ODAD2: variants seen among roughly 807,000 people sequenced by gnomAD.
ODAD2 encodes outer dynein arm docking complex subunit 2, also known as outer dynein arm-docking complex subunit 2.
Under a neutral mutation model 106.8 loss-of-function variants are expected in ODAD2, and 89 were observed. The ratio of observed to expected loss-of-function variants is 0.83; its 90% CI spans 0.70 to 0.99. ODAD2 has a LOEUF of 0.99. Ranked by LOEUF, ODAD2 falls within the 50% of genes least tolerant of loss-of-function variation. The probability of loss-of-function intolerance (pLI) is 0.00; values close to 1 mark genes in which losing one functional copy is unlikely to be tolerated. For missense variants in ODAD2, 1,168 were observed against 1,238.5 expected, an observed-to-expected ratio of 0.94 and a Z score of 0.85; for synonymous variants, 404 against 436.2, an observed-to-expected ratio of 0.93 and a Z score of 0.92.
At chr10:27,824,894 T>C (rs1404074050) in intron 19 of ODAD2, among the ~76,000 whole-genome samples, 1 of 152,194 alleles carries the variant, frequency 6.6e-6, no homozygotes, top group Non-Finnish European at 1.5e-5. Context: ...AAGCTGGATT[T>C]TACTGAGATT....
intron 10 of ODAD2, among the ~76,000 whole-genome samples, chr10:27,945,410 C>A (rs192907288): frequency 6.6e-6 from 1 of 152,188 alleles, no homozygotes; most frequent in Non-Finnish European, 1.5e-5. Flanking sequence ...GGAAGCAGCA[C>A]CGCAATCCAT....
chr10:27,926,401 GA>G (rs770297812), intron 16 of ODAD2, among the ~76,000 whole-genome samples: 26 of 139,172 alleles, frequency 1.9e-4, no homozygotes, highest in Admixed American at 2.9e-4. Flanking sequence ...GGCAGAGGCG[GA>G]AAAAAAAAAA....
At chr10:27,940,356 G>A (rs1368431507) in intron 13 of ODAD2, among the ~76,000 whole-genome samples, 1 of 151,916 alleles carries the variant, frequency 6.6e-6, no homozygotes, top group African/African-American at 2.4e-5. Context: ...GTATATATGT[G>A]TGAGATATAT....
chr10:27,834,802 G>A (rs937740293), intron 19 of ODAD2, among the ~76,000 whole-genome samples: 5 of 152,168 alleles, frequency 3.3e-5, no homozygotes, highest in Admixed American at 3.3e-4. Context: ...ATTCTCAGAT[G>A]TCCTTGTTTA....
At chr10:27,921,903 A>G (rs530196783) in intron 16 of ODAD2, among the ~76,000 whole-genome samples, 73 of 151,212 alleles carry the variant, frequency 4.8e-4, no homozygotes, top group Non-Finnish European at 8.8e-4. Flanking sequence ...GCCTTGGCTC[A>G]TGCCTGTAAT....
At chr10:27,917,825 GA>G (rs952595240) in intron 16 of ODAD2, among the ~76,000 whole-genome samples, 2 of 150,978 alleles carry the variant, frequency 1.3e-5, no homozygotes, top group Non-Finnish European at 3.0e-5. Flanking sequence ...TGGAGAGAGA[GA>G]AAAATGAGAA....
chr10:27,887,293 A>C (rs1842288643), intron 17 of ODAD2, among the ~76,000 whole-genome samples: 1 of 152,068 alleles, frequency 6.6e-6, no homozygotes, highest in Non-Finnish European at 1.5e-5. Context: ...TCAATTCAAG[A>C]GGATGTAATA....
At chr10:27,884,665 TAGGAAAACTTC>T (rs1841954737) in intron 17 of ODAD2, among the ~76,000 whole-genome samples, 1 of 152,058 alleles carries the variant, frequency 6.6e-6, no homozygotes. Context: ...TACTGTGGCC[TAGGAAAACTTC>T]AGGGAGACTG....
At chr10:27,951,651 A>T (rs186338260) in intron 10 of ODAD2, among the ~76,000 whole-genome samples, 15 of 152,270 alleles carry the variant, frequency 9.9e-5, no homozygotes, top group African/African-American at 3.6e-4. Context: ...TATAAAACTA[A>T]CAGAGGGAAC....
In ODAD2 at chr10:27,913,224, T is replaced by C. The variant is rs150588768; in HGVS notation, c.2496-5447A>G. Among the ~76,000 whole-genome samples the C allele has an allele frequency of 1.6e-4, 24 of 152,234 alleles. No individual in the cohort carries two copies. The East Asian group carries it at 4.4e-3, about 28-fold the overall frequency. Reference sequence around the variant, plus strand: ...GGGGTTTGGTGTACAGATTATTTTGTTACCCAGATAATAAGCATGGTACCT... The same window carrying C: ...GGGGTTTGGTGTACAGATTATTTTGCTACCCAGATAATAAGCATGGTACCT... On this transcript the variant is annotated intron_variant, in intron 16 of 19. Transcript: ENST00000305242.
At chr10:27,870,205 C>T (rs939593888) in intron 17 of ODAD2, among the ~76,000 whole-genome samples, 3 of 152,022 alleles carry the variant, frequency 2.0e-5, no homozygotes, top group Admixed American at 6.6e-5. Context: ...AGGCATTTCC[C>T]GATCTGGCCC....
intron 19 of ODAD2, among the ~76,000 whole-genome samples, chr10:27,821,952 C>T (rs1436385260): frequency 6.6e-6 from 1 of 152,146 alleles, no homozygotes; most frequent in African/African-American, 2.4e-5. Context: ...GGAAAACTAG[C>T]CCCCACGCTT....
intron 17 of ODAD2, among the ~76,000 whole-genome samples, chr10:27,869,290 T>C (rs1334983755): frequency 6.6e-6 from 1 of 151,974 alleles, no homozygotes; most frequent in African/African-American, 2.4e-5. Context: ...ATCTAACACA[T>C]GTATGTAAGA....
chr10:27,894,737 A>AAAAAAAAATT (rs1842756994), intron 17 of ODAD2, among the ~76,000 whole-genome samples: 1 of 150,914 alleles, frequency 6.6e-6, no homozygotes, highest in Non-Finnish European at 1.5e-5. Context: ...CATTAAAAAA[A>AAAAAAAAATT]AAAAAAATTG....
intron 7 of ODAD2, among the ~76,000 whole-genome samples, chr10:27,979,679 C>T (rs1034908681): frequency 6.6e-6 from 1 of 151,978 alleles, no homozygotes; most frequent in Non-Finnish European, 1.5e-5. Flanking sequence ...AAAACTTGTA[C>T]ACTGAAAACT....
chr10:27,904,570 G>A (rs573864507), intron 17 of ODAD2, among the ~76,000 whole-genome samples: 19 of 152,308 alleles, frequency 1.2e-4, no homozygotes, highest in African/African-American at 4.3e-4. Context: ...ATTCCCATTT[G>A]TACTTAGGTC....
intron 1 of ODAD2, among the ~76,000 whole-genome samples, chr10:27,996,297 T>C (rs967334354): frequency 2.6e-5 from 4 of 152,206 alleles, no homozygotes; most frequent in African/African-American, 7.2e-5. Context: ...AGTACAAAGA[T>C]TAGACTTGGA....
intron 17 of ODAD2, among the ~76,000 whole-genome samples, chr10:27,893,224 A>G (rs1441745287): frequency 6.6e-6 from 1 of 152,166 alleles, no homozygotes; most frequent in African/African-American, 2.4e-5. Flanking sequence ...TAAAGAAAAG[A>G]TGTTCTACAT....
chr10:27,831,295 A>G (rs892019521), intron 19 of ODAD2, among the ~76,000 whole-genome samples: 5 of 152,020 alleles, frequency 3.3e-5, no homozygotes, highest in African/African-American at 1.2e-4. Flanking sequence ...AAATCTGTAC[A>G]TTTTTTCATC....
Sources: allele counts gnomAD v4.1 joint callset (sites outside exome capture counted in the v4.1 genomes callset), GRCh38; gene constraint gnomAD v4.1.1; transcripts MANE v1.5; gene names NCBI Gene and HGNC (gene_info 2026-07-23, HGNC 2026-07-21).